The following CNTN5 variants were observed in gnomAD, a reference collection of about 807,000 sequenced individuals.
The protein encoded by CNTN5 is contactin-5.
In CNTN5, 77 loss-of-function variants were observed where a neutral mutation model predicts 129.1. The observed-to-expected ratio is 0.60, with a 90% CI of 0.50 to 0.72. The LOEUF (loss-of-function observed/expected upper bound fraction) is 0.72, where lower values mean the gene tolerates loss of function less well. Among genes scored for constraint, CNTN5 ranks in the 30% least tolerant of loss-of-function variants. CNTN5 has a pLI of 0.00. For synonymous variants in CNTN5, 509 were observed against 465.6 expected (o/e 1.09, Z -1.20); for missense variants, 1,478 against 1,328.8 (o/e 1.11, Z -1.75).
intron 1 of CNTN5, among the ~76,000 whole-genome samples, chr11:99,193,331 T>G (rs978100415): frequency 6.6e-6 from 1 of 150,732 alleles, no homozygotes; most frequent in African/African-American, 2.4e-5. Flanking sequence ...GAATGGAGAG[T>G]CGAAGTTGAA....
intron 3 of CNTN5, among the ~76,000 whole-genome samples, chr11:99,763,869 A>G (rs751761377): frequency 3.9e-5 from 6 of 152,104 alleles, no homozygotes; most frequent in East Asian, 1.9e-4. Flanking sequence ...AAAAAATTCT[A>G]TGGGCAAAAT....
intron 2 of CNTN5, among the ~76,000 whole-genome samples, chr11:99,375,066 G>A (rs1940082398): frequency 6.6e-6 from 1 of 152,166 alleles, no homozygotes. Flanking sequence ...CCTTTGGGAT[G>A]CCAAGGCGGG....
intron 3 of CNTN5, among the ~76,000 whole-genome samples, chr11:99,728,670 G>A (rs568412774): frequency 1.3e-4 from 20 of 152,296 alleles, no homozygotes; most frequent in Non-Finnish European, 2.5e-4. Context: ...ACCCCAGGAA[G>A]GGTAGATGAG....
Position 99,669,462 on chromosome 11 carries a change from G to A in CNTN5, c.55+113193G>A, listed in dbSNP as rs866136848. ...ATATGGTGTGTGTGTGTGTGTGTGT[G>A]TGTGTGTGTGTATATGTGTATACAT... On this transcript the variant is annotated intron_variant, in intron 3 of 24. Coordinates refer to ENST00000524871, the MANE Select transcript of CNTN5 (RefSeq NM_014361.4). Among the ~76,000 whole-genome samples, 75 of 81,530 alleles carry A rather than the reference G, an allele frequency of 9.2e-4. 1 individual carries two copies. Among genetic ancestry groups the A allele is most frequent in the Middle Eastern group, 6.8e-3 (1 of 148 alleles). The allele number at this position is 81,530 out of a possible 152,430, so 53.5% of individuals were successfully genotyped here.
At chr11:99,596,833 A>G (rs667717) in intron 3 of CNTN5, among the ~76,000 whole-genome samples, 147,938 of 152,230 alleles carry the variant, frequency 0.97, 72,024 homozygotes, top group East Asian at 1. Flanking sequence ...AACTTTATAA[A>G]TAGACAATAA....
chr11:100,248,520 T>C (rs886596811), intron 16 of CNTN5, among the ~76,000 whole-genome samples: 5 of 151,734 alleles, frequency 3.3e-5, no homozygotes, highest in Non-Finnish European at 7.4e-5. Context: ...CACTCCAACC[T>C]GGGCAACAGA....
intron 1 of CNTN5, among the ~76,000 whole-genome samples, chr11:99,101,161 T>G (rs928263340): frequency 2.0e-5 from 3 of 152,150 alleles, no homozygotes; most frequent in African/African-American, 4.8e-5. Context: ...TATCAGATCT[T>G]GTGAGACTTA....
intron 3 of CNTN5, among the ~76,000 whole-genome samples, chr11:99,588,502 G>A (rs1949878338): frequency 6.6e-6 from 1 of 152,124 alleles, no homozygotes; most frequent in Admixed American, 6.5e-5. Flanking sequence ...TAGGAATTCT[G>A]GGAAACTGGG....
chr11:100,327,374 CCT>C (rs370605298), intron 21 of CNTN5, among the ~76,000 whole-genome samples: 8 of 152,346 alleles, frequency 5.3e-5, no homozygotes, highest in African/African-American at 1.9e-4. Flanking sequence ...CCCACATCCC[CCT>C]CTTTCCAGAC....
intron 1 of CNTN5, among the ~76,000 whole-genome samples, chr11:99,205,827 TG>T (rs1162335351): frequency 1.4e-5 from 2 of 144,790 alleles, no homozygotes; most frequent in African/African-American, 5.4e-5. Flanking sequence ...TCAATAAAGC[TG>T]AAAAAAAATA....
Position 99,929,358 on chromosome 11 carries a change from C to G in CNTN5, c.673+13209C>G, listed in dbSNP as rs573146388. Among the ~76,000 whole-genome samples, 4 of 152,292 alleles carry G rather than the reference C, an allele frequency of 2.6e-5. No homozygotes were observed. In the East Asian group the frequency reaches 7.7e-4, roughly 29 times the overall value. ...ACTGTTCCAACCTCTGCCTGTTACC[C>G]AGTTGCAAATTTGCTTCCACATTTT... On this transcript the variant is annotated intron_variant, in intron 7 of 24. Coordinates refer to ENST00000524871, the MANE Select transcript of CNTN5 (RefSeq NM_014361.4).
intron 3 of CNTN5, among the ~76,000 whole-genome samples, chr11:99,573,653 C>T (rs1415994838): frequency 6.6e-6 from 1 of 151,712 alleles, no homozygotes; most frequent in Non-Finnish European, 1.5e-5. Flanking sequence ...TCTATTGAGA[C>T]GGAGTCTCGC....
At chr11:99,138,540 A>G (rs1304368143) in intron 1 of CNTN5, among the ~76,000 whole-genome samples, 1 of 152,210 alleles carries the variant, frequency 6.6e-6, no homozygotes, top group Non-Finnish European at 1.5e-5. Flanking sequence ...GATGCATTAT[A>G]GGATGTTATG....
chr11:99,455,604 A>C (rs1400457757), intron 2 of CNTN5, among the ~76,000 whole-genome samples: 2 of 152,128 alleles, frequency 1.3e-5, no homozygotes, highest in Non-Finnish European at 2.9e-5. Flanking sequence ...ACTCAAACAC[A>C]GGCAGGCCAC....
intron 3 of CNTN5, among the ~76,000 whole-genome samples, chr11:99,648,974 T>C (rs1344593257): frequency 6.6e-6 from 1 of 151,764 alleles, no homozygotes; most frequent in East Asian, 1.9e-4. Flanking sequence ...ATTGGAGGAA[T>C]AAGTTATAGT....
intron 2 of CNTN5, among the ~76,000 whole-genome samples, chr11:99,410,142 G>A (rs1942324608): frequency 6.6e-6 from 1 of 152,166 alleles, no homozygotes; most frequent in African/African-American, 2.4e-5. Flanking sequence ...CTTGATAGAA[G>A]AGTACAAATA....
At chr11:100,029,455 C>A (rs540922418) in intron 9 of CNTN5, among the ~76,000 whole-genome samples, 4 of 151,868 alleles carry the variant, frequency 2.6e-5, no homozygotes, top group Admixed American at 6.6e-5. Flanking sequence ...AGGTGGCAGG[C>A]GCCTGTAGTC....
At chr11:100,046,222 G>A (rs898634265) in intron 9 of CNTN5, among the ~76,000 whole-genome samples, 1 of 152,058 alleles carries the variant, frequency 6.6e-6, no homozygotes, top group African/African-American at 2.4e-5. Context: ...AACACTTTTG[G>A]TCTATACTGT....
intron 9 of CNTN5, among the ~76,000 whole-genome samples, chr11:100,026,009 G>A (rs1198848125): frequency 6.6e-6 from 1 of 152,108 alleles, no homozygotes; most frequent in African/African-American, 2.4e-5. Flanking sequence ...AGGGATATGA[G>A]ATTTGTTTGG....
Sources: allele counts gnomAD v4.1 joint callset (sites outside exome capture counted in the v4.1 genomes callset), GRCh38; gene constraint gnomAD v4.1.1; transcripts MANE v1.5; gene names NCBI Gene and HGNC (gene_info 2026-07-23, HGNC 2026-07-21).